Variants in CAB39 observed in about 807,000 individuals in gnomAD.
The protein encoded by CAB39 is calcium binding protein 39, also known as calcium-binding protein 39.
A neutral mutation model predicts 40.0 loss-of-function variants in CAB39; 8 were observed. That is an observed-to-expected ratio of 0.20 (90% CI 0.12 to 0.36). The LOEUF is 0.36. CAB39 is among the 10% of genes least tolerant of loss of function. The probability of loss-of-function intolerance (pLI) is 1.00; values close to 1 mark genes in which losing one functional copy is unlikely to be tolerated. For synonymous variants in CAB39, 156 were observed against 141.6 expected (o/e 1.10, Z -0.72); for missense variants, 270 against 401.1 (o/e 0.67, Z 2.79).
intron 1 of CAB39, among the ~76,000 whole-genome samples, chr2:230,724,751 CTT>C (rs576437702): frequency 5.6e-4 from 63 of 111,708 alleles, no homozygotes; most frequent in African/African-American, 1.2e-3. Context: ...CTCGTTTAAT[CTT>C]TTTTTTTTTT....
intron 5 of CAB39, among the ~76,000 whole-genome samples, chr2:230,799,565 A>G (rs1311731152): frequency 6.6e-6 from 1 of 152,248 alleles, no homozygotes; most frequent in Non-Finnish European, 1.5e-5. Context: ...GTTTTGAGTT[A>G]CAAGGTTCTA....
At chr2:230,732,620 G>A (rs1323903891) in intron 1 of CAB39, among the ~76,000 whole-genome samples, 1 of 152,180 alleles carries the variant, frequency 6.6e-6, no homozygotes, top group Non-Finnish European at 1.5e-5. Context: ...ATATAGGGGT[G>A]CATGAATCAG....
chr2:230,723,952 G>A (rs150992749), intron 1 of CAB39, among the ~76,000 whole-genome samples: 23 of 152,228 alleles, frequency 1.5e-4, no homozygotes, highest in Admixed American at 5.9e-4. Flanking sequence ...TATGCAAATA[G>A]CATAAAGAGG....
At chr2:230,779,465 T>C (rs1695650465) in intron 2 of CAB39, 1 of 152,282 alleles carries the variant, frequency 6.6e-6, no homozygotes, top group African/African-American at 2.4e-5. Flanking sequence ...GTGAGTGGGC[T>C]TGTTATAAAG....
At chr2:230,755,732 A>G (rs1559599462) in intron 1 of CAB39, among the ~76,000 whole-genome samples, 1 of 152,180 alleles carries the variant, frequency 6.6e-6, no homozygotes, top group Non-Finnish European at 1.5e-5. Flanking sequence ...GCAGTGAAAA[A>G]TTATTGAAGA....
At chr2:230,761,604 A>G (rs533089102) in intron 2 of CAB39, among the ~76,000 whole-genome samples, 5 of 152,318 alleles carry the variant, frequency 3.3e-5, no homozygotes, top group African/African-American at 7.2e-5. Context: ...TGAGGAGTAT[A>G]CAACTAATTA....
chr2:230,736,133 T>A (rs1193849907), intron 1 of CAB39, among the ~76,000 whole-genome samples: 1 of 152,174 alleles, frequency 6.6e-6, no homozygotes, highest in Non-Finnish European at 1.5e-5. Context: ...GTTGATGGCT[T>A]TACCACATTT....
intron 1 of CAB39, among the ~76,000 whole-genome samples, chr2:230,727,380 G>A (rs1238669383): frequency 6.8e-6 from 1 of 146,514 alleles, no homozygotes; most frequent in Admixed American, 6.8e-5. Context: ...GTGTGTGTGT[G>A]TGTGTGTGTG....
chr2:230,763,004 G>A (rs537584474), intron 2 of CAB39, among the ~76,000 whole-genome samples: 6 of 152,296 alleles, frequency 3.9e-5, no homozygotes, highest in Admixed American at 6.5e-5. Context: ...AAAGAGATTC[G>A]TGTAAGTATA....
intron 4 of CAB39, 89 bp from the exon 5 acceptor site, chr2:230,798,640 C>T: frequency 9.1e-7 from 1 of 1,102,552 alleles, no homozygotes. Context: ...TGAAAACTGT[C>T]TTTGGCCTGA....
At position 230,810,277 on chromosome 2, in the gene CAB39, A is replaced by G; in HGVS notation, c.582A>G (p.Arg194=). The G allele has an allele frequency of 6.9e-7, 1 of 1,450,048 alleles. No individual in the cohort carries two copies. Among genetic ancestry groups the G allele is most frequent in the Non-Finnish European group, 9.5e-7 (1 of 1,057,960 alleles). 89.8% of individuals were successfully genotyped at this position (1,450,048 alleles called of 1,614,324 possible). A position where few individuals can be genotyped will look rare whatever the true frequency, so the allele number is the denominator to read the frequency against. ...TCTTTTTGTAGGATTTACTTACAAG[A>G]CATAAATTGCTCAGTGCAGAATTTT... ...AFATFKDLLT[R]HKLLSAEFLE... is the part of the protein sequence containing the mutation. Residue 194 remains arginine, a synonymous_variant, in exon 6 of 9, where the codon AGA becomes AGG. Transcript: ENST00000258418.
chr2:230,793,117 A>C lies in CAB39; in HGVS notation c.280-96A>C, dbSNP rs946133402. The stretch of plus-strand genomic sequence containing the variant: ...TAAAGTCAGATATTCAGTCATAACA[A>C]TAAGTACAATGGCCTTATTCGAGTT... On this transcript the variant is annotated intron_variant, in intron 3 of 8. Transcript: ENST00000258418. 2.7e-5 allele frequency: 18 copies of C among 664,348 alleles called. No individual in the cohort carries two copies. In the Admixed American group the frequency reaches 4.4e-4, roughly 16 times the overall value. The allele number at this position is 664,348 out of a possible 1,614,324, so 41.2% of individuals were successfully genotyped here.
chr2:230,773,314 A>ATATATATG (rs371297550), intron 2 of CAB39, among the ~76,000 whole-genome samples: 12 of 132,682 alleles, frequency 9.0e-5, no homozygotes, highest in African/African-American at 2.8e-4. Flanking sequence ...ATATATATAT[A>ATATATATG]TGTGTGTGTG....
intron 1 of CAB39, among the ~76,000 whole-genome samples, chr2:230,731,812 G>T (rs1328319410): frequency 6.6e-6 from 1 of 152,060 alleles, no homozygotes; most frequent in East Asian, 1.9e-4. Flanking sequence ...ATGCTGAATT[G>T]TATGATGTGT....
chr2:230,803,683 T>C (rs190594284), intron 5 of CAB39, among the ~76,000 whole-genome samples: 70 of 152,168 alleles, frequency 4.6e-4, no homozygotes, highest in Non-Finnish European at 7.8e-4. Context: ...TACCTAGGAG[T>C]GCAACTTACA....
At chr2:230,718,279 A>G (rs937183149) in intron 1 of CAB39, among the ~76,000 whole-genome samples, 2 of 152,206 alleles carry the variant, frequency 1.3e-5, no homozygotes, top group Non-Finnish European at 2.9e-5. Context: ...CTACTTTGTG[A>G]TCTTGTCTCA....
intron 5 of CAB39, among the ~76,000 whole-genome samples, chr2:230,801,471 A>T (rs1696088240): frequency 6.6e-6 from 1 of 152,180 alleles, no homozygotes; most frequent in Non-Finnish European, 1.5e-5. Context: ...TTCCTTTGAG[A>T]ATGTGGCAAG....
At chr2:230,809,778 C>A (rs1696272919) in intron 5 of CAB39, among the ~76,000 whole-genome samples, 1 of 151,966 alleles carries the variant, frequency 6.6e-6, no homozygotes, top group Admixed American at 6.6e-5. Context: ...TAGCTATGAA[C>A]CTGAATGTGA....
chr2:230,786,705 T>C (rs13392274), intron 2 of CAB39, among the ~76,000 whole-genome samples: 1 of 152,042 alleles, frequency 6.6e-6, no homozygotes, highest in Admixed American at 6.5e-5. Flanking sequence ...CTCCTACTTA[T>C]GGTCACTGGT....
Sources: gnomAD v4.1 joint callset for allele counts (sites outside exome capture counted in the v4.1 genomes callset) on GRCh38, gnomAD v4.1.1 for gene constraint, MANE v1.5 for transcripts, NCBI Gene and HGNC (gene_info 2026-07-23, HGNC 2026-07-21) for gene names.